Variants in SHOC2 observed in about 807,000 individuals in gnomAD.
SHOC2 encodes SHOC2 leucine rich repeat scaffold protein.
SHOC2 carries 4 observed loss-of-function variants against 50.2 expected under a neutral mutation model. The observed-to-expected ratio is 0.08, with a 90% CI of 0.04 to 0.18. The LOEUF (loss-of-function observed/expected upper bound fraction) is 0.18. Among genes scored for constraint, SHOC2 ranks in the 10% least tolerant of loss-of-function variants. The pLI, the probability that SHOC2 is intolerant of heterozygous loss-of-function variation, is 1.00. For synonymous variants in SHOC2, 218 were observed against 244.5 expected (o/e 0.89, Z 1.01); for missense variants, 388 against 669.6 (o/e 0.58, Z 4.64).
intron 3 of SHOC2, 110 bp from the exon 4 acceptor site, chr10:111,000,305 T>C: frequency 9.4e-7 from 1 of 1,068,406 alleles, no homozygotes; most frequent in Non-Finnish European, 1.4e-6. Flanking sequence ...AGGAACTTGC[T>C]GAAACAGTAC....
At chr10:110,954,262 CAT>C (rs1847414729) in intron 1 of SHOC2, among the ~76,000 whole-genome samples, 1 of 151,966 alleles carries the variant, frequency 6.6e-6, no homozygotes, top group Middle Eastern at 3.4e-3. Context: ...GAATTAATTA[CAT>C]GTTTTATTTT....
rs184369041 is a variant in SHOC2, at chr10:110,936,055, T to C, written c.-235+16398T>C. On this transcript the variant is annotated intron_variant, in intron 1 of 8. Coordinates refer to ENST00000369452, the MANE Select transcript of SHOC2 (RefSeq NM_007373.4). Reference sequence around the variant, plus strand: ...TTGCATATTTAATGATGTTTTATGCTGGGGGTAAATTCTTGAGTACTCTAG... The same window carrying C: ...TTGCATATTTAATGATGTTTTATGCCGGGGGTAAATTCTTGAGTACTCTAG... Among the ~76,000 whole-genome samples the C allele has an allele frequency of 1.1e-3, 173 of 151,922 alleles. 2 individuals carry two copies. The highest frequency in any genetic ancestry group is 7.4e-5 in the Non-Finnish European group (5 of 67,938).
intron 2 of SHOC2, among the ~76,000 whole-genome samples, chr10:110,965,573 C>T (rs967896730): frequency 2.0e-5 from 3 of 151,914 alleles, no homozygotes; most frequent in African/African-American, 7.3e-5. Context: ...TTTTTTTTTG[C>T]ATCTTGAAAG....
At chr10:110,989,239 T>G (rs1320539460) in intron 3 of SHOC2, among the ~76,000 whole-genome samples, 1 of 152,228 alleles carries the variant, frequency 6.6e-6, no homozygotes, top group Non-Finnish European at 1.5e-5. Flanking sequence ...TATTCTACTT[T>G]CTGCCGTTTC....
At chr10:111,008,129 A>G (rs553204143) in intron 6 of SHOC2, among the ~76,000 whole-genome samples, 9 of 142,532 alleles carry the variant, frequency 6.3e-5, no homozygotes, top group South Asian at 2.3e-4. Context: ...TTTTAGTCCT[A>G]TTGTTTTCTG....
intron 8 of SHOC2, among the ~76,000 whole-genome samples, chr10:111,010,988 G>C (rs1444937678): frequency 6.6e-6 from 1 of 152,066 alleles, no homozygotes; most frequent in African/African-American, 2.4e-5. Context: ...TATATTTCTA[G>C]TATATTTATT....
intron 8 of SHOC2, 101 bp downstream of exon 8, chr10:111,009,931 G>C (rs1244187737): frequency 1.3e-6 from 1 of 769,008 alleles, no homozygotes; most frequent in Non-Finnish European, 2.3e-6. Flanking sequence ...TTTTTAAACT[G>C]AGGTTATATC....
intron 1 of SHOC2, among the ~76,000 whole-genome samples, chr10:110,930,178 A>C (rs1846863155): frequency 6.6e-6 from 1 of 152,250 alleles, no homozygotes; most frequent in Admixed American, 6.5e-5. Flanking sequence ...ATGGTAGATA[A>C]ATAGTTGAAC....
In SHOC2 at chr10:111,013,327, T is replaced by C. The variant is rs1362824766; in HGVS notation, c.*1509T>C. On this transcript the variant is annotated 3_prime_UTR_variant, in exon 9 of 9. Coordinates refer to ENST00000369452, the MANE Select transcript of SHOC2 (RefSeq NM_007373.4). ...TGTGTTTTTTTTTTTTTCCATTTAGTTGGGCGTTGTGTTTTACACAAAACC... is the reference window on the plus strand; with the variant it reads ...TGTGTTTTTTTTTTTTTCCATTTAGCTGGGCGTTGTGTTTTACACAAAACC... 2 of 151,990 alleles carry C rather than the reference T, an allele frequency of 1.3e-5. No homozygotes were observed. The highest frequency in any genetic ancestry group is 4.8e-5 in the African/African-American group (2 of 41,404). 9.4% of individuals were successfully genotyped at this position (151,990 alleles called of 1,614,324 possible). A position where few individuals can be genotyped will look rare whatever the true frequency, so the allele number is the denominator to read the frequency against.
At chr10:110,951,840 T>C (rs922706842) in intron 1 of SHOC2, 2 of 152,220 alleles carry the variant, frequency 1.3e-5, no homozygotes, top group Admixed American at 1.3e-4. Context: ...GTATTTTTGG[T>C]AGAGGTGGGA....
Position 110,947,548 on chromosome 10 carries a change from T to G in SHOC2, c.-234-16577T>G, listed in dbSNP as rs1057102379. On this transcript the variant is annotated intron_variant, in intron 1 of 8. Transcript: ENST00000369452. Reference sequence around the variant, plus strand: ...CAAAATAAAGCTTTAGCTATGATAATTTGTTGATAAATATATAATCTAAAA... The same window carrying G: ...CAAAATAAAGCTTTAGCTATGATAAGTTGTTGATAAATATATAATCTAAAA... Among the ~76,000 whole-genome samples, 20 of 152,322 alleles carry G rather than the reference T, an allele frequency of 1.3e-4. No homozygotes were observed. In the East Asian group the frequency reaches 2.9e-3, roughly 22 times the overall value.
rs950350420 is a variant in SHOC2, at chr10:110,939,372, C to G, written c.-235+19715C>G. 2.0e-5 allele frequency among the ~76,000 whole-genome samples: 3 copies of G among 152,186 alleles called. No homozygotes were observed. In the East Asian group the frequency reaches 5.8e-4, roughly 29 times the overall value. On this transcript the variant is annotated intron_variant, in intron 1 of 8. Transcript: ENST00000369452. ...AGCTGGGACCATAAGCACGTGCCAC[C>G]ATGCCTGGCTAATTTTTATTTATTT...
intron 2 of SHOC2, among the ~76,000 whole-genome samples, chr10:110,970,843 C>T (rs1383733634): frequency 3.3e-5 from 5 of 149,368 alleles, no homozygotes; most frequent in East Asian, 2.0e-4. Flanking sequence ...AGCATTTTTT[C>T]GTATACCTTT....
At chr10:110,957,535 C>CG (rs1436429883) in intron 1 of SHOC2, among the ~76,000 whole-genome samples, 2 of 148,190 alleles carry the variant, frequency 1.3e-5, no homozygotes, top group South Asian at 2.3e-4. Flanking sequence ...TGAAGATACC[C>CG]CCCCCCCAGC....
chr10:110,921,355 C>A (rs1846646184), intron 1 of SHOC2, among the ~76,000 whole-genome samples: 1 of 152,216 alleles, frequency 6.6e-6, no homozygotes, highest in Admixed American at 6.5e-5. Context: ...TATAAATACA[C>A]ATTTGAAAAA....
rs1848604541 is a variant in SHOC2, at chr10:111,013,376, T to C, written c.*1558T>C. ...CCATTTTTGAATTAAGGCTATGATATTAAGATAGAAATTTGGACTGTTGTT... is the reference window on the plus strand; with the variant it reads ...CCATTTTTGAATTAAGGCTATGATACTAAGATAGAAATTTGGACTGTTGTT... On this transcript the variant is annotated 3_prime_UTR_variant, in exon 9 of 9. Transcript: ENST00000369452. 1 of 151,982 alleles carries C rather than the reference T, an allele frequency of 6.6e-6. No individual in the cohort carries two copies. The highest frequency in any genetic ancestry group is 1.5e-5 in the Non-Finnish European group (1 of 67,952). 9.4% of individuals were successfully genotyped at this position (151,982 alleles called of 1,614,324 possible).
intron 1 of SHOC2, among the ~76,000 whole-genome samples, chr10:110,948,456 A>G (rs752583392): frequency 1.3e-5 from 2 of 152,216 alleles, no homozygotes; most frequent in Non-Finnish European, 2.9e-5. Context: ...TTAAGTGCAC[A>G]TTGAACATTC....
chr10:110,983,331 C>T (rs1232280638), intron 2 of SHOC2, among the ~76,000 whole-genome samples: 1 of 151,742 alleles, frequency 6.6e-6, no homozygotes, highest in Non-Finnish European at 1.5e-5. Flanking sequence ...GATTTATACT[C>T]TTATTTTTAT....
At position 110,979,873 on chromosome 10, in the gene SHOC2, G is replaced by C. The variant is rs1429188605; in HGVS notation, c.704-5755G>C. Among the ~76,000 whole-genome samples the C allele has an allele frequency of 1.4e-4, 9 of 62,418 alleles. No homozygotes were observed. In the Admixed American group the frequency reaches 1.6e-3, roughly 11 times the overall value. The allele number at this position is 62,418 out of a possible 152,430, so 40.9% of individuals were successfully genotyped here. ...TATCAACCCAAGCTCAGTATCTTCGGATCAGAGAATTTTGTTGTTGTTCTG... is the reference window on the plus strand; with the variant it reads ...TATCAACCCAAGCTCAGTATCTTCGCATCAGAGAATTTTGTTGTTGTTCTG... On this transcript the variant is annotated intron_variant, in intron 2 of 8. Coordinates refer to ENST00000369452, the MANE Select transcript of SHOC2 (RefSeq NM_007373.4).
Sources: allele counts gnomAD v4.1 joint callset (sites outside exome capture counted in the v4.1 genomes callset), GRCh38; gene constraint gnomAD v4.1.1; transcripts MANE v1.5; gene names NCBI Gene and HGNC (gene_info 2026-07-23, HGNC 2026-07-21).